CMTM4: variants seen among roughly 807,000 people sequenced by gnomAD.
The protein encoded by CMTM4 is CKLF like MARVEL transmembrane domain containing 4.
A neutral mutation model predicts 19.0 loss-of-function variants in CMTM4; 8 were observed. That is an observed-to-expected ratio of 0.42 (90% CI 0.25 to 0.76). The LOEUF is 0.76. Ranked by LOEUF, CMTM4 falls within the 30% of genes least tolerant of loss-of-function variation. The pLI, the probability that CMTM4 is intolerant of heterozygous loss-of-function variation, is 0.27. For synonymous variants in CMTM4, 106 were observed against 121.1 expected (o/e 0.88, Z 0.82); for missense variants, 228 against 290.2 (o/e 0.79, Z 1.56).
the CMTM4 span, chr16:66,608,489 AG>A: frequency 6.2e-7 from 1 of 1,611,620 alleles, no homozygotes. The surrounding 1 kb of genome is among the most constrained non-coding windows in gnomAD (Gnocchi z 5.1). Context: ...CCCAGGAGGG[AG>A]GGGTGCCCTG....
At chr16:66,688,821 C>A (rs2017083925) in intron 1 of CMTM4, among the ~76,000 whole-genome samples, 1 of 152,122 alleles carries the variant, frequency 6.6e-6, no homozygotes, top group Admixed American at 6.6e-5. Context: ...TTTCTTACTT[C>A]AGTGTTTTGT....
downstream of CMTM4, among the ~76,000 whole-genome samples, chr16:66,612,073 G>C (rs985680979): frequency 2.0e-5 from 3 of 152,118 alleles, no homozygotes. The surrounding 1 kb of genome is among the most constrained non-coding windows in gnomAD (Gnocchi z 6.0). Flanking sequence ...TTCAGTCTTG[G>C]GGTGGAAACA....
chr16:66,608,306 C>A, the CMTM4 span: 2 of 1,614,150 alleles, frequency 1.2e-6, no homozygotes, highest in South Asian at 2.2e-5. This position sits in a 1 kb window ranked among gnomAD's most constrained non-coding sequence, Gnocchi z 5.1. Context: ...TCCTTCCCCG[C>A]AGGGTCTCTC....
chr16:66,680,635 G>A (rs911637757), intron 1 of CMTM4, among the ~76,000 whole-genome samples: 60 of 151,566 alleles, frequency 4.0e-4, no homozygotes, highest in African/African-American at 1.2e-3. Flanking sequence ...TTAGCCAGGC[G>A]TGGTGGCGGG....
Position 66,618,248 on chromosome 16 carries a change from T to C in CMTM4, c.*3810A>G. The C allele has an allele frequency of 2.0e-6, 2 of 985,476 alleles. No homozygotes were observed. The highest frequency in any genetic ancestry group is 5.2e-4 in the Middle Eastern group (1 of 1,914). 61.0% of individuals were successfully genotyped at this position (985,476 alleles called of 1,614,324 possible). ...CCAGCAGCTCTTGGCCTAGAAACTT[T>C]TTCCCCTTTCTGATACCTGTTTAAC... On this transcript the variant is annotated 3_prime_UTR_variant, in exon 4 of 4. Transcript: ENST00000394106.
chr16:66,647,728 A>T (rs1442450987), intron 1 of CMTM4, among the ~76,000 whole-genome samples: 2 of 152,074 alleles, frequency 1.3e-5, no homozygotes, highest in African/African-American at 4.8e-5. Flanking sequence ...AAAAAAAATG[A>T]GTCTCACTAT....
chr16:66,618,974 G>C lies in CMTM4; in HGVS notation c.*3084C>G, dbSNP rs1596897923. The C allele has an allele frequency of 1.0e-6, 1 of 985,492 alleles. No homozygotes were observed. The highest frequency in any genetic ancestry group is 4.7e-5 in the South Asian group (1 of 21,290). The allele number at this position is 985,492 out of a possible 1,614,324, so 61.0% of individuals were successfully genotyped here. The stretch of plus-strand genomic sequence containing the variant: ...ACATTGCCAAGGAAGATGTGTATTG[G>C]GGCTGTGCAGGCTGCCACATTCTTG... On this transcript the variant is annotated 3_prime_UTR_variant, in exon 4 of 4. Transcript: ENST00000394106.
At chr16:66,688,693 A>C (rs1158507515) in intron 1 of CMTM4, among the ~76,000 whole-genome samples, 1 of 152,160 alleles carries the variant, frequency 6.6e-6, no homozygotes, top group East Asian at 1.9e-4. Flanking sequence ...CCTTGCTAGG[A>C]TTTTGGGATC....
chr16:66,652,322 T>C lies in CMTM4; in HGVS notation c.187-15741A>G, dbSNP rs1360313011. Among the ~76,000 whole-genome samples the C allele has an allele frequency of 2.6e-5, 4 of 152,238 alleles. No individual in the cohort carries two copies. In the South Asian group the frequency reaches 8.3e-4, roughly 32 times the overall value. ...CTCCGAGGCCACACTCCACTCTAAG[T>C]GGTGCTTACCGCAGACCCCTGAAGG... On this transcript the variant is annotated intron_variant, in intron 1 of 3. Coordinates refer to ENST00000394106, the MANE Select transcript of CMTM4 (RefSeq NM_181521.3).
chr16:66,617,426 A>G lies in CMTM4; in HGVS notation c.*4632T>C, dbSNP rs898658434. The G allele has an allele frequency of 6.4e-7, 1 of 1,561,348 alleles. No homozygotes were observed. The highest frequency in any genetic ancestry group is 1.4e-5 in the African/African-American group (1 of 73,438). On this transcript the variant is annotated 3_prime_UTR_variant, in exon 4 of 4. Transcript: ENST00000394106. The stretch of plus-strand genomic sequence containing the variant: ...CAAATGGAAAAAGAATATATTCCAG[A>G]CAAAAGAAGGGAAAATACAATAGGA...
chr16:66,605,053 T>C, the CMTM4 span: 3 of 1,088,190 alleles, frequency 2.8e-6, no homozygotes, highest in Admixed American at 4.3e-5. This position sits in a 1 kb window ranked among gnomAD's most constrained non-coding sequence, Gnocchi z 4.6. Context: ...GCCGCCGTGC[T>C]CCGATACCCC....
chr16:66,651,683 A>T (rs2016313578), intron 1 of CMTM4, among the ~76,000 whole-genome samples: 1 of 152,250 alleles, frequency 6.6e-6, no homozygotes, highest in African/African-American at 2.4e-5. Context: ...GACCTGGGGT[A>T]GCCAGTGCTG....
intron 1 of CMTM4, among the ~76,000 whole-genome samples, chr16:66,641,416 T>C (rs1346117941): frequency 1.3e-5 from 2 of 152,226 alleles, no homozygotes; most frequent in Non-Finnish European, 2.9e-5. Flanking sequence ...GGAAAACTCT[T>C]GTTGTTATAA....
chr16:66,654,333 T>C (rs1448671705), intron 1 of CMTM4, among the ~76,000 whole-genome samples: 1 of 152,128 alleles, frequency 6.6e-6, no homozygotes, highest in Non-Finnish European at 1.5e-5. Flanking sequence ...ACCCTCCACC[T>C]GCACTGGACT....
At chr16:66,684,459 G>GAGCC (rs1284605825) in intron 1 of CMTM4, among the ~76,000 whole-genome samples, 1 of 152,066 alleles carries the variant, frequency 6.6e-6, no homozygotes, top group Non-Finnish European at 1.5e-5. Context: ...TTACAGGCAT[G>GAGCC]AGCCACTGCA....
At chr16:66,602,942 T>A in the CMTM4 span, among the ~76,000 whole-genome samples, 1 of 152,208 alleles carries the variant, frequency 6.6e-6, no homozygotes, top group East Asian at 1.9e-4. Flanking sequence ...GCAAACCATA[T>A]ATAATAGTAT....
intron 1 of CMTM4, among the ~76,000 whole-genome samples, chr16:66,660,080 T>C (rs1405959483): frequency 6.6e-6 from 1 of 152,082 alleles, no homozygotes; most frequent in East Asian, 1.9e-4. Context: ...CACTAGCTAT[T>C]AGGAAAATGC....
the CMTM4 span, among the ~76,000 whole-genome samples, chr16:66,600,268 G>A: frequency 6.6e-6 from 1 of 151,218 alleles, no homozygotes; most frequent in Admixed American, 6.6e-5. Context: ...TTAGCCTCCT[G>A]AGTAGCTAGA....
intron 1 of CMTM4, among the ~76,000 whole-genome samples, chr16:66,658,986 G>A (rs1017546767): frequency 2.0e-5 from 3 of 152,058 alleles, no homozygotes; most frequent in African/African-American, 4.8e-5. Flanking sequence ...CAGCAGACCT[G>A]AGACAGCTTC....
Sources: gnomAD v4.1 joint callset for allele counts (sites outside exome capture counted in the v4.1 genomes callset) on GRCh38, gnomAD v4.1.1 for gene constraint, Gnocchi (gnomAD v3.1) non-coding constraint, MANE v1.5 for transcripts, NCBI Gene and HGNC (gene_info 2026-07-23, HGNC 2026-07-21) for gene names.